NR4A3: variants seen among roughly 807,000 people sequenced by gnomAD.
The protein encoded by NR4A3 is chondrosarcoma, extraskeletal myxoid, fused to EWS.
Under a neutral mutation model 55.6 loss-of-function variants are expected in NR4A3, and 13 were observed. The observed-to-expected ratio is 0.23, with a 90% CI of 0.15 to 0.37. The LOEUF (loss-of-function observed/expected upper bound fraction) is 0.37, where lower values mean the gene tolerates loss of function less well. Ranked by LOEUF, NR4A3 falls within the 10% of genes least tolerant of loss-of-function variation. The probability of loss-of-function intolerance (pLI) is 1.00; values close to 1 mark genes in which losing one functional copy is unlikely to be tolerated. For synonymous variants in NR4A3, 342 were observed against 357.9 expected (o/e 0.96, Z 0.50); for missense variants, 646 against 822.8 (o/e 0.79, Z 2.63).
chr9:99,857,706 G>A (rs1381298766), intron 7 of NR4A3, among the ~76,000 whole-genome samples: 1 of 151,964 alleles, frequency 6.6e-6, no homozygotes, highest in African/African-American at 2.4e-5. Flanking sequence ...AGTGAGCCGA[G>A]ATTGCATCAC....
intron 1 of NR4A3, among the ~76,000 whole-genome samples, chr9:99,823,424 G>A (rs1175446361): frequency 2.0e-5 from 3 of 151,966 alleles, no homozygotes; most frequent in South Asian, 2.1e-4. Context: ...TTATGCGTCC[G>A]GATTCTCCAG....
At chr9:99,826,172 A>G (rs1827292297) in intron 2 of NR4A3, among the ~76,000 whole-genome samples, 1 of 152,166 alleles carries the variant, frequency 6.6e-6, no homozygotes, top group Admixed American at 6.5e-5. Context: ...AGAGTTATGG[A>G]ATCACTTAGA....
chr9:99,852,292 T>A (rs1467948836), intron 7 of NR4A3, among the ~76,000 whole-genome samples: 1 of 152,182 alleles, frequency 6.6e-6, no homozygotes, highest in East Asian at 1.9e-4. Context: ...TGTGCATATA[T>A]TAAAATCACA....
At chr9:99,849,566 C>G (rs1490046888) in intron 7 of NR4A3, among the ~76,000 whole-genome samples, 1 of 152,152 alleles carries the variant, frequency 6.6e-6, no homozygotes, top group African/African-American at 2.4e-5. Flanking sequence ...TGAACTAAAG[C>G]TCTTTAGTTC....
chr9:99,835,081 T>C (rs1827532650), intron 5 of NR4A3: 1 of 199,280 alleles, frequency 5.0e-6, no homozygotes, highest in Non-Finnish European at 9.0e-6. Flanking sequence ...AATAGTAATA[T>C]CTACTTCCTG....
chr9:99,852,741 C>T (rs1021702076), intron 7 of NR4A3, among the ~76,000 whole-genome samples: 1 of 152,106 alleles, frequency 6.6e-6, no homozygotes, highest in African/African-American at 2.4e-5. Context: ...GAAACACGAC[C>T]TCTAAGACTG....
At chr9:99,838,335 A>G (rs2118559608) in intron 5 of NR4A3, among the ~76,000 whole-genome samples, 1 of 152,322 alleles carries the variant, frequency 6.6e-6, no homozygotes, top group African/African-American at 2.4e-5. Flanking sequence ...TGCTCAGATA[A>G]AACCAGGCAC....
intron 1 of NR4A3, among the ~76,000 whole-genome samples, chr9:99,824,769 C>T (rs1827261280): frequency 1.3e-5 from 2 of 152,260 alleles, no homozygotes; most frequent in Admixed American, 6.5e-5. Context: ...CACCCAGTTC[C>T]TTCCCTGAGG....
chr9:99,844,627 C>G, intron 5 of NR4A3, 22 bp from the exon 6 acceptor site: 1 of 1,607,238 alleles, frequency 6.2e-7, no homozygotes. Context: ...GATAATGCTG[C>G]TCTCTCTGGT....
chr9:99,840,738 G>C (rs1488059821), intron 5 of NR4A3, among the ~76,000 whole-genome samples: 1 of 152,146 alleles, frequency 6.6e-6, no homozygotes, highest in Admixed American at 6.5e-5. Flanking sequence ...ATGACCTGCT[G>C]CTTGGTCCAA....
At chr9:99,851,112 G>A (rs933662751) in intron 7 of NR4A3, among the ~76,000 whole-genome samples, 2 of 152,136 alleles carry the variant, frequency 1.3e-5, no homozygotes, top group Non-Finnish European at 1.5e-5. Flanking sequence ...TCCTGTTCCT[G>A]CCCTCATTCC....
At chr9:99,855,863 G>T (rs1479905695) in intron 7 of NR4A3, among the ~76,000 whole-genome samples, 2 of 152,162 alleles carry the variant, frequency 1.3e-5, no homozygotes, top group Non-Finnish European at 2.9e-5. Flanking sequence ...GTTAGCCTTT[G>T]CCCTAACACC....
intron 5 of NR4A3, among the ~76,000 whole-genome samples, chr9:99,839,269 G>A (rs915004829): frequency 1.3e-5 from 2 of 152,174 alleles, no homozygotes; most frequent in Non-Finnish European, 2.9e-5. Context: ...CTAAGAATAT[G>A]TATACATAGT....
In NR4A3 at chr9:99,822,338, C is replaced by T. The variant is rs1056361326; in HGVS notation, c.-246C>T. 1 of 152,338 alleles carries T rather than the reference C, an allele frequency of 6.6e-6. No individual in the cohort carries two copies. Among genetic ancestry groups the T allele is most frequent in the Non-Finnish European group, 1.5e-5 (1 of 68,156 alleles). 9.4% of individuals were successfully genotyped at this position (152,338 alleles called of 1,614,324 possible). A position where few individuals can be genotyped will look rare whatever the true frequency, so the allele number is the denominator to read the frequency against. ...CCTTCCGGGACAGCAGCTGTGACTCCCCCCCAGTGCAGATTTCGGGACAGC... is the reference window on the plus strand; with the variant it reads ...CCTTCCGGGACAGCAGCTGTGACTCTCCCCCAGTGCAGATTTCGGGACAGC... On this transcript the variant is annotated 5_prime_UTR_variant, in exon 1 of 8. Transcript: ENST00000395097. The surrounding 1 kb of genome is among the most constrained non-coding windows in gnomAD (Gnocchi z 4.9).
At chr9:99,824,440 G>A (rs1306393475) in intron 1 of NR4A3, among the ~76,000 whole-genome samples, 1 of 152,218 alleles carries the variant, frequency 6.6e-6, no homozygotes, top group African/African-American at 2.4e-5. Context: ...ACGTGCTACA[G>A]CCGTGGGAAG....
intron 7 of NR4A3, among the ~76,000 whole-genome samples, chr9:99,857,424 C>T (rs918883779): frequency 6.6e-6 from 1 of 152,136 alleles, no homozygotes; most frequent in African/African-American, 2.4e-5. Context: ...CTCATAACAA[C>T]CCATAAGGCA....
intron 5 of NR4A3, among the ~76,000 whole-genome samples, chr9:99,844,280 A>G (rs1827715268): frequency 6.6e-6 from 1 of 152,118 alleles, no homozygotes; most frequent in Non-Finnish European, 1.5e-5. Context: ...GAGCTTTTAA[A>G]ATTCTTGACC....
At position 99,825,380 on chromosome 9, in the gene NR4A3, G is replaced by GT. The variant is rs368324471; in HGVS notation, c.-176-269dup. On this transcript the variant is annotated intron_variant, in intron 1 of 7. Transcript: ENST00000395097. This position sits in a 1 kb window ranked among gnomAD's most constrained non-coding sequence, Gnocchi z 5.0. ...ATTTCTGGGCAATAACAGGCTGCGC[G>GT]TTTTTTTTTTAGCCTCGGTTTTGGT... Among the ~76,000 whole-genome samples, 158 of 148,094 alleles carry GT rather than the reference G, an allele frequency of 1.1e-3. 2 individuals carry two copies. The East Asian group carries it at 0.012, about 12-fold the overall frequency.
chr9:99,837,657 G>A (rs1449157691), intron 5 of NR4A3, among the ~76,000 whole-genome samples: 5 of 151,856 alleles, frequency 3.3e-5, no homozygotes, highest in Non-Finnish European at 5.9e-5. Context: ...ATAGCTGCCC[G>A]ATCCCACTCC....
Sources: gnomAD v4.1 joint callset for allele counts (sites outside exome capture counted in the v4.1 genomes callset) on GRCh38, gnomAD v4.1.1 for gene constraint, Gnocchi (gnomAD v3.1) non-coding constraint, MANE v1.5 for transcripts, NCBI Gene and HGNC (gene_info 2026-07-23, HGNC 2026-07-21) for gene names.